Variants in ACTR3C observed in about 807,000 individuals in gnomAD.
The protein encoded by ACTR3C is actin-related protein 3C.
ACTR3C carries 18 observed loss-of-function variants against 26.3 expected under a neutral mutation model. The ratio of observed to expected loss-of-function variants is 0.68; its 90% CI spans 0.47 to 1.01. The LOEUF (loss-of-function observed/expected upper bound fraction) is 1.01. Ranked by LOEUF, ACTR3C falls within the 50% of genes least tolerant of loss-of-function variation. The pLI is 0.00. For missense variants in ACTR3C, 184 were observed against 250.7 expected (o/e 0.73, Z 1.80); for synonymous variants, 55 against 94.5 (o/e 0.58, Z 2.42).
At chr7:150,306,866 C>T (rs577193136) in intron 1 of ACTR3C, among the ~76,000 whole-genome samples, 60 of 152,170 alleles carry the variant, frequency 3.9e-4, no homozygotes, top group African/African-American at 9.4e-4. Flanking sequence ...AGATGGATAA[C>T]GAACAGTGGT....
chr7:150,031,891 T>C, the ACTR3C span, among the ~76,000 whole-genome samples: 1 of 152,030 alleles, frequency 6.6e-6, no homozygotes, highest in Admixed American at 6.5e-5. Flanking sequence ...CTGGGGGGAA[T>C]GTTGGAATGG....
At chr7:150,109,780 T>C in the ACTR3C span, among the ~76,000 whole-genome samples, 1 of 149,668 alleles carries the variant, frequency 6.7e-6, no homozygotes, top group Non-Finnish European at 1.5e-5. Flanking sequence ...GACATAAGAT[T>C]TGAACAGACT....
At chr7:150,069,068 G>T in the ACTR3C span, among the ~76,000 whole-genome samples, 12 of 152,120 alleles carry the variant, frequency 7.9e-5, no homozygotes, top group African/African-American at 2.4e-5. Context: ...TATCAAATAG[G>T]GGTATGCCTA....
the ACTR3C span, among the ~76,000 whole-genome samples, chr7:149,921,354 A>T: frequency 6.6e-6 from 1 of 152,084 alleles, no homozygotes; most frequent in African/African-American, 2.4e-5. Flanking sequence ...AATTTCAGGA[A>T]GTTGATCCTC....
At chr7:150,163,260 C>T in the ACTR3C span, among the ~76,000 whole-genome samples, 313 of 151,706 alleles carry the variant, frequency 2.1e-3, no homozygotes, top group South Asian at 5.8e-3. Flanking sequence ...CTTGAAATTC[C>T]TGGGGAGTAA....
chr7:149,905,626 G>A, the ACTR3C span, among the ~76,000 whole-genome samples: 3 of 150,922 alleles, frequency 2.0e-5, no homozygotes, highest in South Asian at 4.3e-4. Flanking sequence ...TCTACAAAGA[G>A]TTCCTATAAT....
chr7:149,921,318 T>C, the ACTR3C span, among the ~76,000 whole-genome samples: 14 of 152,072 alleles, frequency 9.2e-5, no homozygotes, highest in African/African-American at 3.4e-4. Context: ...CATGACCTCT[T>C]TGTTCTTTCC....
chr7:150,250,961 T>A (rs1832810455), intron 6 of ACTR3C, among the ~76,000 whole-genome samples: 1 of 152,212 alleles, frequency 6.6e-6, no homozygotes, highest in Non-Finnish European at 1.5e-5. Context: ...GGAGCAGGTG[T>A]CAACTTTATT....
At chr7:150,035,742 C>CA in the ACTR3C span, among the ~76,000 whole-genome samples, 3 of 135,156 alleles carry the variant, frequency 2.2e-5, 1 homozygote, top group South Asian at 4.6e-4. Context: ...TCTCAGTCCC[C>CA]GCCTCGCGGG....
chr7:150,211,142 G>C, the ACTR3C span, among the ~76,000 whole-genome samples: 1 of 148,624 alleles, frequency 6.7e-6, no homozygotes, highest in African/African-American at 2.6e-5. Context: ...CTTGCTGGAG[G>C]TCATAATTTT....
chr7:150,230,988 C>G, the ACTR3C span, among the ~76,000 whole-genome samples: 1 of 152,092 alleles, frequency 6.6e-6, no homozygotes, highest in Non-Finnish European at 1.5e-5. Context: ...TAGATATTAT[C>G]AATTTCTGCT....
the ACTR3C span, among the ~76,000 whole-genome samples, chr7:150,019,590 CAAAAAT>C: frequency 1.3e-3 from 137 of 103,542 alleles, 1 homozygote; most frequent in African/African-American, 2.1e-3. Flanking sequence ...GACTCTGTCT[CAAAAAT>C]AAAAATAATA....
At chr7:150,056,451 G>C in the ACTR3C span, among the ~76,000 whole-genome samples, 1 of 151,950 alleles carries the variant, frequency 6.6e-6, no homozygotes, top group Non-Finnish European at 1.5e-5. Flanking sequence ...CTCATAAAGG[G>C]GAAAAATAGG....
the ACTR3C span, among the ~76,000 whole-genome samples, chr7:150,018,330 C>T: frequency 6.7e-6 from 1 of 148,292 alleles, no homozygotes; most frequent in African/African-American, 2.5e-5. Flanking sequence ...AGGCGTGAGC[C>T]ACAACTGGCC....
the ACTR3C span, among the ~76,000 whole-genome samples, chr7:150,008,639 T>C: frequency 3.1e-3 from 462 of 150,998 alleles, 3 homozygotes; most frequent in African/African-American, 0.011. Context: ...TTCTACAGAC[T>C]CCATAGCACT....
chr7:150,259,252 A>G (rs1167859309), intron 6 of ACTR3C, among the ~76,000 whole-genome samples: 1 of 151,466 alleles, frequency 6.6e-6, no homozygotes, highest in East Asian at 1.9e-4. Flanking sequence ...ACAGAAAGAA[A>G]AGAAAGAGAA....
the ACTR3C span, among the ~76,000 whole-genome samples, chr7:150,036,858 A>AAG: frequency 8.7e-6 from 1 of 114,544 alleles, no homozygotes; most frequent in Non-Finnish European, 2.1e-5. Context: ...GGGGGGTCCT[A>AAG]AGCCAGGGGG....
chr7:150,295,492 T>C, intron 1 of ACTR3C, 145 bp from the exon 2 acceptor site: 1 of 1,011,548 alleles, frequency 9.9e-7, no homozygotes, highest in East Asian at 2.6e-5. Context: ...CCAAAGTGTA[T>C]TAAAGAAATC....
chr7:149,935,729 C>T, the ACTR3C span, among the ~76,000 whole-genome samples: 1 of 148,002 alleles, frequency 6.8e-6, no homozygotes, highest in South Asian at 2.3e-4. Flanking sequence ...AACATAACAC[C>T]AAAAGCAAAC....
Sources: gnomAD v4.1 joint callset for allele counts (sites outside exome capture counted in the v4.1 genomes callset) on GRCh38, gnomAD v4.1.1 for gene constraint, MANE v1.5 for transcripts, NCBI Gene and HGNC (gene_info 2026-07-23, HGNC 2026-07-21) for gene names.